FBXO34: variants seen among roughly 807,000 people sequenced by gnomAD.
The protein encoded by FBXO34 is F-box only protein 34.
In FBXO34, 12 loss-of-function variants were observed where a neutral mutation model predicts 24.5. That is an observed-to-expected ratio of 0.49 (90% CI 0.31 to 0.79). FBXO34 has a LOEUF of 0.79. Among genes scored for constraint, FBXO34 ranks in the 30% least tolerant of loss-of-function variants. The pLI, the probability that FBXO34 is intolerant of heterozygous loss-of-function variation, is 0.04. For synonymous variants in FBXO34, 320 were observed against 311.9 expected (o/e 1.03, Z -0.27); for missense variants, 823 against 857.7 (o/e 0.96, Z 0.51).
At chr14:55,390,107 G>C in the FBXO34 span, among the ~76,000 whole-genome samples, 3 of 152,116 alleles carry the variant, frequency 2.0e-5, no homozygotes, top group Admixed American at 6.5e-5. Context: ...TTTTGCTCTT[G>C]TTGCCTAGGC....
chr14:55,393,321 G>A, the FBXO34 span, among the ~76,000 whole-genome samples: 171 of 152,066 alleles, frequency 1.1e-3, no homozygotes, highest in African/African-American at 3.8e-3. Flanking sequence ...GGAGGTGGAG[G>A]TTGCAGTGAG....
At chr14:55,295,146 A>G (rs192472571) in intron 1 of FBXO34, among the ~76,000 whole-genome samples, 19 of 152,306 alleles carry the variant, frequency 1.2e-4, no homozygotes, top group African/African-American at 3.9e-4. Context: ...AAAAGTCATA[A>G]GTTGAACCAT....
In FBXO34 at chr14:55,351,522, G is replaced by T. The variant is rs1884374722; in HGVS notation, c.1132G>T (p.Ala378Ser). The T allele has an allele frequency of 1.2e-6, 2 of 1,614,062 alleles. No individual in the cohort carries two copies. Among genetic ancestry groups the T allele is most frequent in the African/African-American group, 1.3e-5 (1 of 74,930 alleles). The part of the protein sequence containing the change: ...GASQDCPPLP[A>S]GVSFHIDSAE... ...TTCTCAGGACTGCCCCCCATTGCCA[G>T]CAGGAGTGAGTTTCCACATAGACAG... The change falls in exon 2 of 2, where the codon GCA (alanine) becomes TCA (serine). Residue 378 changes from alanine to serine, a missense_variant. Around this residue, in one of 2 missense-constraint regions of FBXO34, gnomAD observed 693 missense variants for 659.1 expected, o/e 1.05. Transcript: ENST00000313833.
At chr14:55,326,577 C>T (rs1883348793) in intron 1 of FBXO34, among the ~76,000 whole-genome samples, 2 of 152,046 alleles carry the variant, frequency 1.3e-5, no homozygotes, top group South Asian at 2.1e-4. Flanking sequence ...ACTTGCTGTC[C>T]AAAAATGATT....
intron 1 of FBXO34, among the ~76,000 whole-genome samples, chr14:55,290,299 G>A (rs1186444370): frequency 6.6e-6 from 1 of 152,040 alleles, no homozygotes; most frequent in Admixed American, 6.6e-5. Context: ...GGCAGAGGCA[G>A]GAGAATCGTT....
At chr14:55,436,023 T>TA in the FBXO34 span, 1 of 778,744 alleles carries the variant, frequency 1.3e-6, no homozygotes, top group Non-Finnish European at 2.0e-6. Flanking sequence ...TCTTAGGTTA[T>TA]ACCTTAGCAA....
chr14:55,433,583 A>C, the FBXO34 span: 1 of 1,540,522 alleles, frequency 6.5e-7, no homozygotes, highest in Non-Finnish European at 9.0e-7. Context: ...CTTGTTTTAC[A>C]TACTAAATTG....
intron 1 of FBXO34, among the ~76,000 whole-genome samples, chr14:55,290,130 G>A (rs918918913): frequency 1.3e-5 from 2 of 151,888 alleles, no homozygotes; most frequent in African/African-American, 4.8e-5. Context: ...GGTGGCTCAC[G>A]CCTGTAATCC....
downstream of FBXO34, among the ~76,000 whole-genome samples, chr14:55,372,070 C>T (rs1452910739): frequency 6.6e-6 from 1 of 152,046 alleles, no homozygotes; most frequent in East Asian, 1.9e-4. Context: ...CCATCTTTTC[C>T]GATTCCTCTC....
chr14:55,298,219 G>C (rs1012099203), intron 1 of FBXO34, among the ~76,000 whole-genome samples: 1 of 146,868 alleles, frequency 6.8e-6, no homozygotes, highest in Non-Finnish European at 1.5e-5. Flanking sequence ...TTTTTTTTGC[G>C]TTTTTTTTTA....
intron 1 of FBXO34, among the ~76,000 whole-genome samples, chr14:55,307,263 TTCTC>T (rs543676995): frequency 5.3e-5 from 8 of 152,226 alleles, no homozygotes; most frequent in Non-Finnish European, 1.0e-4. Context: ...GCCTTTTGTG[TTCTC>T]TGGACTACCT....
At chr14:55,374,536 G>C (rs1419452497), downstream of FBXO34, among the ~76,000 whole-genome samples, 3 of 152,302 alleles carry the variant, frequency 2.0e-5, no homozygotes, top group East Asian at 3.9e-4. Flanking sequence ...TCAGAGTTCT[G>C]ACACAGGAAG....
the FBXO34 span, among the ~76,000 whole-genome samples, chr14:55,383,883 G>A: frequency 6.6e-6 from 1 of 152,226 alleles, no homozygotes; most frequent in Non-Finnish European, 1.5e-5. Context: ...GATGCACAAG[G>A]GAAGTGCCAG....
At chr14:55,308,328 G>T (rs982225177) in intron 1 of FBXO34, among the ~76,000 whole-genome samples, 1 of 152,154 alleles carries the variant, frequency 6.6e-6, no homozygotes, top group Non-Finnish European at 1.5e-5. Flanking sequence ...AGTTTTAAAG[G>T]TATTTAATGT....
chr14:55,363,567 G>A (rs140042630), downstream of FBXO34, among the ~76,000 whole-genome samples: 15 of 152,194 alleles, frequency 9.9e-5, no homozygotes, highest in African/African-American at 3.6e-4. Flanking sequence ...GACTTCAGGT[G>A]ATCCACCCAC....
chr14:55,295,742 C>T (rs1436975041), intron 1 of FBXO34, among the ~76,000 whole-genome samples: 1 of 152,166 alleles, frequency 6.6e-6, no homozygotes, highest in African/African-American at 2.4e-5. Context: ...ATTGATTATT[C>T]ATTAAACACC....
chr14:55,412,367 G>A, the FBXO34 span, among the ~76,000 whole-genome samples: 1 of 152,166 alleles, frequency 6.6e-6, no homozygotes, highest in African/African-American at 2.4e-5. Context: ...ATCTAATGCC[G>A]TGAGGATTAA....
chr14:55,277,048 A>T (rs570018567), intron 1 of FBXO34, among the ~76,000 whole-genome samples: 1 of 152,368 alleles, frequency 6.6e-6, no homozygotes, highest in South Asian at 2.1e-4. Context: ...TATGTATACC[A>T]TTCCCTTAGT....
chr14:55,384,478 G>A, the FBXO34 span, among the ~76,000 whole-genome samples: 1 of 152,158 alleles, frequency 6.6e-6, no homozygotes, highest in Non-Finnish European at 1.5e-5. Context: ...TTGGGGTTCA[G>A]GACTCAAGAT....
Sources: allele counts gnomAD v4.1 joint callset (sites outside exome capture counted in the v4.1 genomes callset), GRCh38; gene constraint gnomAD v4.1.1; regional missense constraint gnomAD v4.1.1; transcripts MANE v1.5; gene names NCBI Gene and HGNC (gene_info 2026-07-23, HGNC 2026-07-21).